The following EVA1C variants were observed in gnomAD, a reference collection of about 807,000 sequenced individuals.
EVA1C encodes eva-1 homolog C.
EVA1C carries 25 observed loss-of-function variants against 45.4 expected under a neutral mutation model. The observed-to-expected ratio is 0.55, with a 90% CI of 0.40 to 0.77. The LOEUF (loss-of-function observed/expected upper bound fraction) is 0.77. EVA1C is among the 30% of genes least tolerant of loss of function. The pLI is 0.00. For missense variants in EVA1C, 479 were observed against 554.8 expected, an observed-to-expected ratio of 0.86 and a Z score of 1.37; for synonymous variants, 190 against 221.2, an observed-to-expected ratio of 0.86 and a Z score of 1.25.
At chr21:32,483,396 A>G (rs1348304230) in intron 4 of EVA1C, among the ~76,000 whole-genome samples, 1 of 152,158 alleles carries the variant, frequency 6.6e-6, no homozygotes, top group South Asian at 2.1e-4. Context: ...CACTTAAAAC[A>G]TTCTCTTAAA....
rs1174578387 is a variant in EVA1C, at chr21:32,474,588, G to A, written c.634+6740G>A. On this transcript the variant is annotated intron_variant, in intron 4 of 7. Transcript: ENST00000300255. The surrounding 1 kb of genome is among the most constrained non-coding windows in gnomAD (Gnocchi z 4.4). Reference sequence around the variant, plus strand: ...GAGATAGACCATGGTATGTGTGTGTGGTTCATCTCCCCAGGAGCTAAGCAG... The same window carrying A: ...GAGATAGACCATGGTATGTGTGTGTAGTTCATCTCCCCAGGAGCTAAGCAG... Among the ~76,000 whole-genome samples the A allele has an allele frequency of 6.6e-6, 1 of 152,214 alleles. No individual in the cohort carries two copies. The highest frequency in any genetic ancestry group is 1.5e-5 in the Non-Finnish European group (1 of 68,040).
rs1187038608 is a variant in EVA1C at position 32,448,487 on chromosome 21, C to T, written c.161-4825C>T. ...TGATGGCCAGCTCGCCCGAGCTCCTCGTTCTCCCCTCCCTAACGCTAGCTC... is the reference window on the plus strand; with the variant it reads ...TGATGGCCAGCTCGCCCGAGCTCCTTGTTCTCCCCTCCCTAACGCTAGCTC... On this transcript the variant is annotated intron_variant, in intron 1 of 7. Transcript: ENST00000300255. 8.5e-5 allele frequency among the ~76,000 whole-genome samples: 13 copies of T among 152,290 alleles called. No individual in the cohort carries two copies. In the South Asian group the frequency reaches 1.7e-3, roughly 19 times the overall value.
intron 4 of EVA1C, among the ~76,000 whole-genome samples, chr21:32,471,656 T>C (rs1415857006): frequency 7.1e-6 from 1 of 139,988 alleles, no homozygotes; most frequent in Non-Finnish European, 1.5e-5. Flanking sequence ...TTAGACGGAG[T>C]CTTGCTCTGT....
chr21:32,451,016 C>T (rs749998363), intron 1 of EVA1C, among the ~76,000 whole-genome samples: 2 of 152,140 alleles, frequency 1.3e-5, no homozygotes, highest in South Asian at 2.1e-4. Flanking sequence ...TCTGGATGAA[C>T]GTGCCAGGAA....
At chr21:32,513,597 G>T (rs2038037859) in intron 7 of EVA1C, among the ~76,000 whole-genome samples, 2 of 118,606 alleles carry the variant, frequency 1.7e-5, no homozygotes, top group Non-Finnish European at 1.6e-5. Flanking sequence ...CTATTACCTA[G>T]GTTGGAGTAT....
Position 32,453,710 on chromosome 21 carries a change from A to G in EVA1C, c.357+202A>G, listed in dbSNP as rs573076430. Among the ~76,000 whole-genome samples, 11 of 152,368 alleles carry G rather than the reference A, an allele frequency of 7.2e-5. No homozygotes were observed. The South Asian group carries it at 2.3e-3, about 32-fold the overall frequency. On this transcript the variant is annotated intron_variant, in intron 2 of 7. Coordinates refer to ENST00000300255, the MANE Select transcript of EVA1C (RefSeq NM_058187.5). ...AGGATTTGTTGCCCAACAAAACTAA[A>G]TAGAATTCCTACCTATTGTAGAGCC...
chr21:32,452,721 G>A lies in EVA1C; in HGVS notation c.161-591G>A, dbSNP rs2035627757. ...GTGGCTCTCGGATGGGGAGCCAGAA[G>A]GGGGATGGAGTGGGAAGGTGGTCTT... On this transcript the variant is annotated intron_variant, in intron 1 of 7. Coordinates refer to ENST00000300255, the MANE Select transcript of EVA1C (RefSeq NM_058187.5). The surrounding 1 kb of genome is among the most constrained non-coding windows in gnomAD (Gnocchi z 4.0). The A allele has an allele frequency of 6.6e-6, 1 of 152,366 alleles. No individual in the cohort carries two copies. Among genetic ancestry groups the A allele is most frequent in the African/African-American group, 2.4e-5 (1 of 41,444 alleles). The allele number at this position is 152,366 out of a possible 1,614,324, so 9.4% of individuals were successfully genotyped here. A position where few individuals can be genotyped will look rare whatever the true frequency, so the allele number is the denominator to read the frequency against.
At chr21:32,490,937 G>A (rs1275623783) in intron 4 of EVA1C, among the ~76,000 whole-genome samples, 6 of 152,282 alleles carry the variant, frequency 3.9e-5, no homozygotes, top group Middle Eastern at 3.4e-3. Context: ...TTGTTCATTC[G>A]TCCCATAATT....
rs574377519 is a variant in EVA1C, at chr21:32,476,436, G to A, written c.634+8588G>A. On this transcript the variant is annotated intron_variant, in intron 4 of 7. Coordinates refer to ENST00000300255, the MANE Select transcript of EVA1C (RefSeq NM_058187.5). The stretch of plus-strand genomic sequence containing the variant: ...GCAGGTGGATCGCCTGAGGTCGGGA[G>A]TTTGAGACCAGCCTGGCCAACATGG... Among the ~76,000 whole-genome samples, 3 of 152,168 alleles carry A rather than the reference G, an allele frequency of 2.0e-5. No individual in the cohort carries two copies. In the East Asian group the frequency reaches 5.8e-4, roughly 30 times the overall value.
chr21:32,442,067 T>G (rs1601270418), intron 1 of EVA1C, among the ~76,000 whole-genome samples: 1 of 152,280 alleles, frequency 6.6e-6, no homozygotes. Context: ...CCCACTGTAC[T>G]ACCAGGAGAG....
intron 2 of EVA1C, among the ~76,000 whole-genome samples, chr21:32,455,126 C>T (rs942367727): frequency 1.3e-5 from 2 of 152,120 alleles, no homozygotes; most frequent in African/African-American, 4.8e-5. Context: ...AGTCCAAGAG[C>T]AAGGCGCCAT....
Position 32,412,892 on chromosome 21 carries a change from C to G in EVA1C, c.39C>G (p.Pro13=). 3 of 1,509,634 alleles carry G rather than the reference C, an allele frequency of 2.0e-6. No homozygotes were observed. Among genetic ancestry groups the G allele is most frequent in the Non-Finnish European group, 2.6e-6 (3 of 1,133,456 alleles). 93.5% of individuals were successfully genotyped at this position (1,509,634 alleles called of 1,614,324 possible). A position where few individuals can be genotyped will look rare whatever the true frequency, so the allele number is the denominator to read the frequency against. The change falls in exon 1 of 8, where the codon CCC becomes CCG. Residue 13 remains proline (P), a synonymous_variant. Coordinates refer to ENST00000300255, the MANE Select transcript of EVA1C (RefSeq NM_058187.5). ...GACGCGCACGCCAACCGCCGACGCC[C>G]CAGCCCGTGCAGCATCCCGGCCTCC... ...LPGRARQPPT[P]QPVQHPGLRR... is the part of the protein sequence containing the mutation.
Position 32,467,905 on chromosome 21 carries a change from A to AATATATATATATAT in EVA1C, c.634+60_634+73dup, listed in dbSNP as rs34623485. 5.4e-4 allele frequency: 552 copies of AATATATATATATAT among 1,025,416 alleles called. 3 individuals are homozygous for AATATATATATATAT. The African/African-American group carries it at 8.8e-3, about 16-fold the overall frequency. 63.5% of individuals were successfully genotyped at this position (1,025,416 alleles called of 1,614,324 possible). On this transcript the variant is annotated intron_variant, in intron 4 of 7. Transcript: ENST00000300255. ...TTCTCTAGAGGGACAGAATTAATAG[A>AATATATATATATAT]ATATATATATATATATCCTATATAT...
At chr21:32,459,472 C>T (rs187854749) in intron 3 of EVA1C, among the ~76,000 whole-genome samples, 16 of 152,312 alleles carry the variant, frequency 1.1e-4, no homozygotes, top group Middle Eastern at 6.8e-3. Flanking sequence ...ACACCCTTGA[C>T]GGCCATTAGC....
At chr21:32,477,614 T>C (rs1379466850) in intron 4 of EVA1C, among the ~76,000 whole-genome samples, 2 of 151,890 alleles carry the variant, frequency 1.3e-5, no homozygotes, top group Admixed American at 6.6e-5. Flanking sequence ...TCTCCCCACA[T>C]GAGTCTCTTA....
Position 32,412,955 on chromosome 21 carries a change from C to A in EVA1C, c.102C>A (p.Leu34=). 6.4e-7 allele frequency: 1 copy of A among 1,561,156 alleles called. No homozygotes were observed. The highest frequency in any genetic ancestry group is 1.2e-5 in the South Asian group (1 of 84,578). The change falls in exon 1 of 8, where the codon CTC becomes CTA. Residue 34 remains leucine, a synonymous_variant. Coordinates refer to ENST00000300255, the MANE Select transcript of EVA1C (RefSeq NM_058187.5). ...QVEPPGQLLR[L]FYCTVLVCSK... is the part of the protein sequence containing the mutation. ...AGCCGCCGGGGCAGCTCCTGCGCCT[C>A]TTCTACTGCACTGTCCTGGTCTGCT... is the stretch of plus-strand genomic sequence containing the variant.
chr21:32,479,705 C>T lies in EVA1C; in HGVS notation c.634+11857C>T, dbSNP rs189412600. Among the ~76,000 whole-genome samples the T allele has an allele frequency of 6.8e-3, 1,030 of 152,102 alleles. 9 individuals are homozygous for T. The highest frequency in any genetic ancestry group is 0.036 in the South Asian group (174 of 4,822). ...GTGGTTCTTTCCTGTGATCCCAGCA[C>T]TTTGGGAGGCCAAGGTGGGAGGATC... On this transcript the variant is annotated intron_variant, in intron 4 of 7. Transcript: ENST00000300255.
intron 1 of EVA1C, among the ~76,000 whole-genome samples, chr21:32,434,888 A>G (rs1227830799): frequency 6.6e-6 from 1 of 152,292 alleles, no homozygotes; most frequent in Non-Finnish European, 1.5e-5. Flanking sequence ...GTACCTTGTT[A>G]TAGCAGCCCG....
chr21:32,507,659 T>C (rs999184550), intron 7 of EVA1C, among the ~76,000 whole-genome samples: 24 of 151,646 alleles, frequency 1.6e-4, no homozygotes, highest in Admixed American at 1.3e-4. Flanking sequence ...GGTGTGCCTG[T>C]GTGTGCATGC....
Sources: gnomAD v4.1 joint callset for allele counts (sites outside exome capture counted in the v4.1 genomes callset) on GRCh38, gnomAD v4.1.1 for gene constraint, Gnocchi (gnomAD v3.1) non-coding constraint, MANE v1.5 for transcripts, NCBI Gene and HGNC (gene_info 2026-07-23, HGNC 2026-07-21) for gene names.